GBX1: variants seen among roughly 807,000 people sequenced by gnomAD.
GBX1 encodes homeobox protein GBX-1.
GBX1 carries 9 observed loss-of-function variants against 22.9 expected under a neutral mutation model. The observed-to-expected ratio is 0.39, with a 90% CI of 0.24 to 0.69. The LOEUF is 0.69. Ranked by LOEUF, GBX1 falls within the 30% of genes least tolerant of loss-of-function variation. The pLI, the probability that GBX1 is intolerant of heterozygous loss-of-function variation, is 0.43. For missense variants in GBX1, 494 were observed against 509.2 expected (o/e 0.97, Z 0.29); for synonymous variants, 203 against 227.3 (o/e 0.89, Z 0.96).
intron 1 of GBX1, among the ~76,000 whole-genome samples, chr7:151,155,547 C>T (rs974230653): frequency 6.6e-6 from 1 of 151,922 alleles, no homozygotes; most frequent in African/African-American, 2.4e-5. Context: ...TTCATTTTCT[C>T]TCTCTCTCTC....
intron 1 of GBX1, among the ~76,000 whole-genome samples, chr7:151,155,589 T>C (rs1485591243): frequency 6.6e-6 from 1 of 152,098 alleles, no homozygotes; most frequent in Non-Finnish European, 1.5e-5. Context: ...TTTAGCATTC[T>C]TTACTCCAAG....
In GBX1 at chr7:151,149,042, G is replaced by A. The variant is rs570026897; in HGVS notation, c.639C>T (p.Ser213=). The A allele has an allele frequency of 3.8e-5, 62 of 1,613,874 alleles. 1 individual carries two copies. The South Asian group carries it at 4.6e-4, about 12-fold the overall frequency. Residue 213 remains serine, a synonymous_variant, in exon 2 of 2, where the codon AGC becomes AGT. Transcript: ENST00000297537. ...EQEEEGSGGD[S]EDDGFLDSSA... is the part of the protein sequence containing the mutation. ...AACTGTCCAGGAAACCGTCATCCTC[G>A]CTGTCACCGCCTGAGCCCTCTTCCT... is the stretch of plus-strand genomic sequence containing the variant.
intron 1 of GBX1, among the ~76,000 whole-genome samples, chr7:151,164,776 C>CTTTTTTTTTTTTT (rs71533521): frequency 6.7e-5 from 7 of 104,386 alleles, no homozygotes; most frequent in Non-Finnish European, 8.9e-5. Flanking sequence ...AAATTTCCCT[C>CTTTTTTTTTTTTT]TTTTTTTTTT....
At chr7:151,155,100 G>C (rs976153699) in intron 1 of GBX1, among the ~76,000 whole-genome samples, 4 of 152,188 alleles carry the variant, frequency 2.6e-5, no homozygotes, top group African/African-American at 9.7e-5. Context: ...TAGAAGAGAA[G>C]CCCCTCAGTT....
At chr7:151,166,930 G>GCCGAGGTT in intron 1 of GBX1, 81 bp downstream of exon 1, 8 of 1,431,074 alleles carry the variant, frequency 5.6e-6, no homozygotes, top group South Asian at 4.7e-5. Flanking sequence ...GTGCCGAGGT[G>GCCGAGGTT]CCGAGGTTCC....
At chr7:151,160,989 C>T (rs1801182704) in intron 1 of GBX1, among the ~76,000 whole-genome samples, 1 of 152,180 alleles carries the variant, frequency 6.6e-6, no homozygotes, top group East Asian at 1.9e-4. Context: ...TCCTTCTCAT[C>T]ATTCCTGTTT....
rs186679067 is a variant in GBX1 at position 151,163,803 on chromosome 7, T to C, written c.538+3208A>G. ...TTCCTAACAGTTCGGAATTCTCTCC[T>C]CTTTATTACTCTTACTAAAAGACAT... On this transcript the variant is annotated intron_variant, in intron 1 of 1. Transcript: ENST00000297537. Among the ~76,000 whole-genome samples, 6 of 152,322 alleles carry C rather than the reference T, an allele frequency of 3.9e-5. No homozygotes were observed. In the East Asian group the frequency reaches 1.2e-3, roughly 29 times the overall value.
chr7:151,151,231 T>A (rs780500630), intron 1 of GBX1, among the ~76,000 whole-genome samples: 55 of 152,180 alleles, frequency 3.6e-4, no homozygotes, highest in Non-Finnish European at 6.9e-4. Context: ...CTCCTGTACA[T>A]TGCTTTTCAC....
intron 1 of GBX1, among the ~76,000 whole-genome samples, chr7:151,154,413 T>C (rs958609546): frequency 6.6e-6 from 1 of 152,224 alleles, no homozygotes; most frequent in African/African-American, 2.4e-5. Context: ...TAAACTATTT[T>C]GTTGTGCTAG....
chr7:151,149,997 CT>C (rs1362602420), intron 1 of GBX1: 1 of 455,202 alleles, frequency 2.2e-6, no homozygotes, highest in African/African-American at 2.0e-5. Flanking sequence ...CCTGAGGCCC[CT>C]AAGCTTGATG....
chr7:151,152,600 G>A lies in GBX1; in HGVS notation c.539-3458C>T, dbSNP rs972098136. ...AAAAAGGCAGAAACTAGACTTCGAG[G>A]CTTGAAGGATAAAATCAGTTAGTAC... On this transcript the variant is annotated intron_variant, in intron 1 of 1. Transcript: ENST00000297537. Among the ~76,000 whole-genome samples the A allele has an allele frequency of 5.3e-5, 8 of 152,292 alleles. No homozygotes were observed. The South Asian group carries it at 1.7e-3, about 32-fold the overall frequency.
intron 1 of GBX1, among the ~76,000 whole-genome samples, chr7:151,165,636 C>T (rs1206875380): frequency 3.9e-5 from 6 of 152,188 alleles, no homozygotes; most frequent in Admixed American, 2.6e-4. Context: ...TCCTTATGAT[C>T]CCCCTTAGAA....
chr7:151,166,484 C>CCT (rs1554475959), intron 1 of GBX1, among the ~76,000 whole-genome samples: 1 of 125,742 alleles, frequency 8.0e-6, no homozygotes, highest in Non-Finnish European at 1.7e-5. Flanking sequence ...ACCCCCCCCC[C>CCT]CCAACACACA....
At chr7:151,151,743 G>A (rs934656994) in intron 1 of GBX1, among the ~76,000 whole-genome samples, 7 of 151,976 alleles carry the variant, frequency 4.6e-5, no homozygotes, top group African/African-American at 1.2e-4. Context: ...CCTATCTCCC[G>A]CTTCCAACTA....
At chr7:151,155,990 T>C (rs1362599354) in intron 1 of GBX1, among the ~76,000 whole-genome samples, 1 of 152,190 alleles carries the variant, frequency 6.6e-6, no homozygotes, top group Admixed American at 6.5e-5. Flanking sequence ...GTTTTCATTC[T>C]TTCCAGTAAA....
chr7:151,158,433 A>T (rs1217551495), intron 1 of GBX1, among the ~76,000 whole-genome samples: 1 of 152,064 alleles, frequency 6.6e-6, no homozygotes, highest in African/African-American at 2.4e-5. Context: ...TTGATAAAGA[A>T]ACAAGAAGAG....
Position 151,167,043 on chromosome 7 carries a change from G to A in GBX1, c.506C>T (p.Pro169Leu), listed in dbSNP as rs1218920341. The A allele has an allele frequency of 1.2e-6, 2 of 1,601,644 alleles. No homozygotes were observed. The highest frequency in any genetic ancestry group is 1.4e-5 in the African/African-American group (1 of 72,840). ...ACTTGGAAAAGTCTCTGAGAAGTGCGGAGGCGGAGGTGGTGGGGGCTCTGC... is the reference window on the plus strand; with the variant it reads ...ACTTGGAAAAGTCTCTGAGAAGTGCAGAGGCGGAGGTGGTGGGGGCTCTGC... ...KVAEPPPPPP[P>L]HFSETFPSLP... The change falls in exon 1 of 2, where the codon CCG (proline) becomes CTG (leucine). Residue 169 changes from proline (P) to leucine (L), a missense_variant. Pro to Leu is a moderately conservative substitution (Grantham distance 98, BLOSUM62 -3). Coordinates refer to ENST00000297537, the MANE Select transcript of GBX1 (RefSeq NM_001098834.3). This position sits in a 1 kb window ranked among gnomAD's most constrained non-coding sequence, Gnocchi z 5.9.
intron 1 of GBX1, among the ~76,000 whole-genome samples, chr7:151,153,575 G>A (rs1293078623): frequency 2.7e-5 from 4 of 149,020 alleles, no homozygotes; most frequent in Non-Finnish European, 5.9e-5. Flanking sequence ...TGAGACAGGC[G>A]CTCGCTCTGT....
chr7:151,165,807 C>T (rs1801244394), intron 1 of GBX1, among the ~76,000 whole-genome samples: 1 of 152,174 alleles, frequency 6.6e-6, no homozygotes, highest in Non-Finnish European at 1.5e-5. Flanking sequence ...AGTGATTAAC[C>T]CTTTGGACAA....
Sources: gnomAD v4.1 joint callset for allele counts (sites outside exome capture counted in the v4.1 genomes callset) on GRCh38, gnomAD v4.1.1 for gene constraint, Gnocchi (gnomAD v3.1) non-coding constraint, MANE v1.5 for transcripts, NCBI Gene and HGNC (gene_info 2026-07-23, HGNC 2026-07-21) for gene names.